The following TEX11 variants were observed in gnomAD, a reference collection of about 807,000 sequenced individuals.
The protein encoded by TEX11 is testis-expressed protein 11.
TEX11 carries 7 observed loss-of-function variants against 84.4 expected under a neutral mutation model. The ratio of observed to expected loss-of-function variants is 0.08; its 90% confidence interval spans 0.05 to 0.16. The LOEUF (loss-of-function observed/expected upper bound fraction) is 0.16, where lower values mean the gene tolerates loss of function less well. Ranked by LOEUF, TEX11 falls within the 10% of genes least tolerant of loss-of-function variation. TEX11 has a pLI of 1.00. For missense variants in TEX11, 551 were observed against 660.5 expected (o/e 0.83, Z 1.82); for synonymous variants, 264 against 222.8 (o/e 1.18, Z -1.64).
intron 8 of TEX11, among the ~76,000 whole-genome samples, chrX:70,824,702 C>T (rs1187822251): frequency 9.0e-6 from 1 of 110,697 alleles, no homozygotes; most frequent in Non-Finnish European, 1.9e-5. Context: ...AGAAAAGCAA[C>T]AAAATAAAGT....
chrX:70,592,725 C>G (rs980327849), intron 24 of TEX11, among the ~76,000 whole-genome samples: 5 of 111,326 alleles, frequency 4.5e-5, no homozygotes, highest in African/African-American at 1.3e-4. Context: ...AAGTGGGCCA[C>G]TGTCCCTGCC....
intron 24 of TEX11, among the ~76,000 whole-genome samples, chrX:70,598,405 G>C (rs935346540): frequency 2.0e-4 from 22 of 111,683 alleles, no homozygotes; most frequent in African/African-American, 7.2e-4. Context: ...TCCTCATTCA[G>C]TCCTGGTTGG....
At chrX:70,759,172 C>T (rs2090890651) in intron 9 of TEX11, among the ~76,000 whole-genome samples, 2 of 111,568 alleles carry the variant, frequency 1.8e-5, no homozygotes, top group Non-Finnish European at 3.8e-5. Context: ...GACTCACAGC[C>T]AAATTCTATC....
chrX:70,784,815 C>A (rs1372469666), intron 9 of TEX11, among the ~76,000 whole-genome samples: 1 of 111,148 alleles, frequency 9.0e-6, no homozygotes, highest in South Asian at 3.8e-4. Flanking sequence ...CACTGCTCCA[C>A]GAAATAAAAG....
In TEX11 at chrX:70,571,565, C is replaced by T. The variant is rs1380047566; in HGVS notation, c.2141-16765G>A. ...CATTTTTGTTAAGTTCAATCTATTC[C>T]ATCGTTTTCATTTTGATTTTTTCTT... On this transcript the variant is annotated intron_variant, in intron 25 of 29. Transcript: ENST00000374333. Among the ~76,000 whole-genome samples the T allele has an allele frequency of 3.6e-5, 4 of 111,324 alleles. No individual in the cohort carries two copies. The Admixed American group carries it at 3.8e-4, about 11-fold the overall frequency.
intron 7 of TEX11, among the ~76,000 whole-genome samples, chrX:70,843,253 A>G (rs2091458220): frequency 8.9e-6 from 1 of 111,750 alleles, no homozygotes. Flanking sequence ...AGTAACCAAA[A>G]CAGCATGGTA....
intron 17 of TEX11, among the ~76,000 whole-genome samples, chrX:70,640,053 C>T (rs1261047739): frequency 1.9e-5 from 2 of 107,441 alleles, no homozygotes; most frequent in African/African-American, 3.4e-5. Context: ...ACTAGAATAA[C>T]CAATACAGAG....
At chrX:70,651,646 G>A in intron 16 of TEX11, 94 bp from the exon 17 acceptor site, 1 of 568,102 alleles carries the variant, frequency 1.8e-6, no homozygotes, top group Non-Finnish European at 2.7e-6. Context: ...AAATGGCTGA[G>A]GGATACTCAC....
chrX:70,878,711 AATCTGTAC>A (rs781681136), intron 3 of TEX11, among the ~76,000 whole-genome samples: 10 of 110,811 alleles, frequency 9.0e-5, no homozygotes, highest in Admixed American at 2.9e-4. Flanking sequence ...AAAACATAAA[AATCTGTAC>A]ATGAGTATTT....
At chrX:70,567,284 T>C (rs2088501612) in intron 25 of TEX11, among the ~76,000 whole-genome samples, 1 of 111,650 alleles carries the variant, frequency 9.0e-6, no homozygotes, top group African/African-American at 3.3e-5. Context: ...ATCTATTTGA[T>C]TCTTCTCTCT....
chrX:70,515,543 C>A, the TEX11 span, among the ~76,000 whole-genome samples: 1 of 112,045 alleles, frequency 8.9e-6, no homozygotes, highest in Non-Finnish European at 1.9e-5. Context: ...GGGTTGGTTC[C>A]AAGTCTTTCC....
intron 17 of TEX11, among the ~76,000 whole-genome samples, chrX:70,636,262 A>G (rs2147572961): frequency 9.0e-6 from 1 of 110,854 alleles, no homozygotes; most frequent in East Asian, 2.9e-4. Flanking sequence ...CCCAGGCTTC[A>G]AGGCAGTCCT....
At chrX:70,639,856 G>C (rs1398385725) in intron 17 of TEX11, among the ~76,000 whole-genome samples, 2 of 111,627 alleles carry the variant, frequency 1.8e-5, no homozygotes, top group South Asian at 7.6e-4. Context: ...CTAAAAATCA[G>C]AGCGCCTCTC....
intron 9 of TEX11, among the ~76,000 whole-genome samples, chrX:70,792,327 T>A (rs866041933): frequency 0.033 from 168 of 5,087 alleles, 4 homozygotes; most frequent in Admixed American, 0.13. Flanking sequence ...TATATATATA[T>A]ATATATATAT....
chrX:70,742,266 G>A, intron 10 of TEX11, among the ~76,000 whole-genome samples: 1 of 109,331 alleles, frequency 9.1e-6, no homozygotes. Context: ...AATATTATAG[G>A]TGAGAACATC....
chrX:70,552,074 C>T (rs1407443655), intron 28 of TEX11, 52 bp downstream of exon 28: 6 of 1,159,865 alleles, frequency 5.2e-6, no homozygotes, highest in Non-Finnish European at 7.0e-6. Flanking sequence ...GTACACAAGA[C>T]AGTTCAGTTC....
In TEX11 at chrX:70,710,476, T is replaced by G. The variant is rs182745030; in HGVS notation, c.1004+12142A>C. 3.1e-3 allele frequency among the ~76,000 whole-genome samples: 347 copies of G among 110,927 alleles called. 1 individual carries two copies. The highest frequency in any genetic ancestry group is 0.011 in the African/African-American group (329 of 30,617). On this transcript the variant is annotated intron_variant, in intron 13 of 29. Coordinates refer to ENST00000374333, the MANE Select transcript of TEX11 (RefSeq NM_031276.3). ...TAATTTGTAGATGAGACTTATACAT[T>G]AAAGAAGTCTTTCAGGAATTACGGA...
intron 8 of TEX11, among the ~76,000 whole-genome samples, chrX:70,827,523 C>T (rs2091353552): frequency 9.0e-6 from 1 of 111,228 alleles, no homozygotes; most frequent in African/African-American, 3.3e-5. Context: ...AAGGGTGAGT[C>T]CCAGGCCTGG....
intron 13 of TEX11, among the ~76,000 whole-genome samples, chrX:70,690,882 A>G (rs2090229135): frequency 9.0e-6 from 1 of 111,587 alleles, no homozygotes; most frequent in Non-Finnish European, 1.9e-5. Flanking sequence ...GAAAACAATC[A>G]GCAAAATCAA....
Sources: gnomAD v4.1 joint callset for allele counts (sites outside exome capture counted in the v4.1 genomes callset) on GRCh38, gnomAD v4.1.1 for gene constraint, MANE v1.5 for transcripts, NCBI Gene and HGNC (gene_info 2026-07-23, HGNC 2026-07-21) for gene names.